SCML4: variants seen among roughly 807,000 people sequenced by gnomAD.
The protein encoded by SCML4 is Scm polycomb group protein like 4, also known as sex comb on midleg-like protein 4.
SCML4 carries 34 observed loss-of-function variants against 41.1 expected under a neutral mutation model. The observed-to-expected ratio is 0.83, with a 90% CI of 0.63 to 1.10. The LOEUF is 1.10. Among genes scored for constraint, SCML4 ranks in the 50% least tolerant of loss-of-function variants. SCML4 has a pLI of 0.00. For missense variants in SCML4, 522 were observed against 534.1 expected, an observed-to-expected ratio of 0.98 and a Z score of 0.22; for synonymous variants, 214 against 220.9, an observed-to-expected ratio of 0.97 and a Z score of 0.28.
intron 1 of SCML4, among the ~76,000 whole-genome samples, chr6:107,782,170 G>A (rs1216639546): frequency 2.0e-5 from 3 of 152,220 alleles, no homozygotes; most frequent in African/African-American, 7.2e-5. Context: ...ATTCGGAAAC[G>A]CTTTAGAACA....
intron 6 of SCML4, chr6:107,719,399 T>C (rs1248858078): frequency 6.6e-6 from 1 of 152,328 alleles, no homozygotes; most frequent in African/African-American, 2.4e-5. Flanking sequence ...TCATACAAAA[T>C]AGCTCACGTG....
At chr6:107,821,218 G>A (rs1784920311) in intron 1 of SCML4, among the ~76,000 whole-genome samples, 2 of 152,064 alleles carry the variant, frequency 1.3e-5, no homozygotes, top group African/African-American at 4.8e-5. Context: ...ATACCCTGGT[G>A]GCTTCTGTTA....
chr6:107,766,948 TA>T (rs564033964), intron 2 of SCML4, among the ~76,000 whole-genome samples: 4 of 117,176 alleles, frequency 3.4e-5, no homozygotes, highest in Non-Finnish European at 6.5e-5. Flanking sequence ...ACTATTAAGC[TA>T]TTTTTTTTTT....
In SCML4 at chr6:107,711,995, G is replaced by T. The variant is rs146930570; in HGVS notation, c.974-3984C>A. Reference sequence around the variant, plus strand: ...TTGAGATCTTCCCTGCCTCTTCCTTGTGGGACCTGGAAGGGTCCCATAAGG... The same window carrying T: ...TTGAGATCTTCCCTGCCTCTTCCTTTTGGGACCTGGAAGGGTCCCATAAGG... On this transcript the variant is annotated intron_variant, in intron 6 of 7. Transcript: ENST00000369020. Among the ~76,000 whole-genome samples, 4 of 152,240 alleles carry T rather than the reference G, an allele frequency of 2.6e-5. No individual in the cohort carries two copies. In the East Asian group the frequency reaches 7.7e-4, roughly 29 times the overall value.
chr6:107,832,370 A>G, the SCML4 span, among the ~76,000 whole-genome samples: 2 of 152,194 alleles, frequency 1.3e-5, no homozygotes, highest in South Asian at 4.1e-4. Flanking sequence ...GGCTTCCCTC[A>G]TGGTCACAGT....
At chr6:107,746,631 T>G (rs887821615) in intron 4 of SCML4, 58 bp downstream of exon 4, 1 of 1,497,426 alleles carries the variant, frequency 6.7e-7, no homozygotes. Context: ...TGAGTATGGC[T>G]GCTTCCTCTG....
chr6:107,762,160 A>C (rs979170463), intron 2 of SCML4, among the ~76,000 whole-genome samples: 14 of 152,234 alleles, frequency 9.2e-5, no homozygotes, highest in African/African-American at 3.4e-4. Context: ...AGGAAGAAGC[A>C]AAAGTATGGT....
At position 107,703,619 on chromosome 6, in the gene SCML4, C is replaced by CTGTA. The variant is rs1773352472; in HGVS notation, c.*1577_*1580dup. 6.6e-6 allele frequency among the ~76,000 whole-genome samples: 1 copy of CTGTA among 152,218 alleles called. No homozygotes were observed. The highest frequency in any genetic ancestry group is 1.5e-5 in the Non-Finnish European group (1 of 68,036). ...CCCTCAAGGTTATACAGGTCATGCT[C>CTGTA]TGTACAACGGCAGCTGATCAAGCGG... On this transcript the variant is annotated 3_prime_UTR_variant, in exon 8 of 8. Coordinates refer to ENST00000369020, the MANE Select transcript of SCML4 (RefSeq NM_198081.5).
chr6:107,739,262 T>C (rs1419145757), intron 5 of SCML4, among the ~76,000 whole-genome samples: 2 of 152,166 alleles, frequency 1.3e-5, no homozygotes, highest in East Asian at 1.9e-4. Flanking sequence ...TAATTCAATC[T>C]ACCTTTTACT....
intron 1 of SCML4, among the ~76,000 whole-genome samples, chr6:107,780,398 C>T (rs1404829698): frequency 6.6e-6 from 1 of 152,146 alleles, no homozygotes; most frequent in African/African-American, 2.4e-5. Flanking sequence ...CCCTTGGATA[C>T]TATTCTCCAC....
intron 1 of SCML4, among the ~76,000 whole-genome samples, chr6:107,798,113 C>T (rs959219686): frequency 6.6e-6 from 1 of 151,858 alleles, no homozygotes; most frequent in Non-Finnish European, 1.5e-5. Flanking sequence ...AGTTTGATGA[C>T]AGGATTATGG....
Position 107,738,384 on chromosome 6 carries a change from G to A in SCML4, c.682+6565C>T, listed in dbSNP as rs117215760. 4.0e-3 allele frequency among the ~76,000 whole-genome samples: 606 copies of A among 151,660 alleles called. 7 individuals are homozygous for A. The East Asian group carries it at 0.053, about 13-fold the overall frequency. ...GAATAGGGAGTTTATAACTTTGGGA[G>A]GCCGAAGCGGGCAGATCACCTGAGG... is the stretch of plus-strand genomic sequence containing the variant. On this transcript the variant is annotated intron_variant, in intron 5 of 7. Coordinates refer to ENST00000369020, the MANE Select transcript of SCML4 (RefSeq NM_198081.5).
chr6:107,835,654 G>T, the SCML4 span, among the ~76,000 whole-genome samples: 3 of 151,042 alleles, frequency 2.0e-5, no homozygotes, highest in Non-Finnish European at 4.4e-5. Context: ...GGCGGGCAAG[G>T]TGGGGTGCAC....
chr6:107,737,866 A>G (rs1366005074), intron 5 of SCML4, among the ~76,000 whole-genome samples: 5 of 151,942 alleles, frequency 3.3e-5, no homozygotes, highest in African/African-American at 1.2e-4. Flanking sequence ...ATGTAACAAA[A>G]TTACATTTGT....
chr6:107,831,998 G>A, the SCML4 span, among the ~76,000 whole-genome samples: 1 of 151,670 alleles, frequency 6.6e-6, no homozygotes, highest in Non-Finnish European at 1.5e-5. Context: ...GGGAGGTGGA[G>A]CTTGCAGTGA....
intron 5 of SCML4, among the ~76,000 whole-genome samples, chr6:107,725,272 A>G (rs993729493): frequency 6.6e-6 from 1 of 152,232 alleles, no homozygotes; most frequent in Non-Finnish European, 1.5e-5. Flanking sequence ...TACAAATTAT[A>G]TGAATGTAAC....
rs35621962 is a variant in SCML4 at position 107,817,620 on chromosome 6, C to CAAAAAA, written c.-60+6500_-60+6505dup. Among the ~76,000 whole-genome samples, 25 of 45,988 alleles carry CAAAAAA rather than the reference C, an allele frequency of 5.4e-4. 5 individuals are homozygous for CAAAAAA. The highest frequency in any genetic ancestry group is 2.6e-3 in the African/African-American group (19 of 7,202). The allele number at this position is 45,988 out of a possible 152,430, so 30.2% of individuals were successfully genotyped here. A position where few individuals can be genotyped will look rare whatever the true frequency, so the allele number is the denominator to read the frequency against. On this transcript the variant is annotated intron_variant, in intron 1 of 7. Coordinates refer to ENST00000369020, the MANE Select transcript of SCML4 (RefSeq NM_198081.5). ...TGGGCAACAGAGGAAGACTTCATCT[C>CAAAAAA]AAAAAAAAAAAAAAAGAAAAAAAAA... is the stretch of plus-strand genomic sequence containing the variant.
intron 1 of SCML4, among the ~76,000 whole-genome samples, chr6:107,807,414 C>A (rs1329441543): frequency 6.6e-6 from 1 of 152,178 alleles, no homozygotes; most frequent in Admixed American, 6.5e-5. Context: ...CCGCTGAGGG[C>A]CAGGAGGGAA....
At chr6:107,824,088 G>A (rs767995706) in intron 1 of SCML4, 38 bp downstream of exon 1, 3 of 152,138 alleles carry the variant, frequency 2.0e-5, no homozygotes, top group Non-Finnish European at 4.4e-5. Flanking sequence ...GAAAGATCCC[G>A]TGTCAACGGC....
Sources: allele counts gnomAD v4.1 joint callset (sites outside exome capture counted in the v4.1 genomes callset), GRCh38; gene constraint gnomAD v4.1.1; transcripts MANE v1.5; gene names NCBI Gene and HGNC (gene_info 2026-07-23, HGNC 2026-07-21).